Variants in TRMT11 observed in about 807,000 individuals in gnomAD.
The protein encoded by TRMT11 is tRNA methyltransferase 11.
TRMT11 carries 53 observed loss-of-function variants against 62.8 expected under a neutral mutation model. The ratio of observed to expected loss-of-function variants is 0.84; its 90% CI spans 0.68 to 1.06. The LOEUF (loss-of-function observed/expected upper bound fraction) is 1.06. Among genes scored for constraint, TRMT11 ranks in the 50% least tolerant of loss-of-function variants. TRMT11 has a pLI of 0.00. For synonymous variants in TRMT11, 188 were observed against 190.3 expected, an observed-to-expected ratio of 0.99 and a Z score of 0.10; for missense variants, 556 against 553.4, an observed-to-expected ratio of 1.00 and a Z score of -0.05.
chr6:126,243,242 C>G, the TRMT11 span, among the ~76,000 whole-genome samples: 3 of 152,216 alleles, frequency 2.0e-5, no homozygotes, highest in Non-Finnish European at 4.4e-5. Flanking sequence ...GGGATACCAT[C>G]TCACACCAGT....
chr6:126,200,835 G>C (rs943714942), intron 3 of TRMT11, among the ~76,000 whole-genome samples: 1 of 152,188 alleles, frequency 6.6e-6, no homozygotes, highest in African/African-American at 2.4e-5. Flanking sequence ...TTACAGGCGT[G>C]ACCCACCGCG....
intron 17 of TRMT11, among the ~76,000 whole-genome samples, chr6:126,057,741 G>A (rs571491939): frequency 2.8e-4 from 43 of 152,306 alleles, no homozygotes; most frequent in Middle Eastern, 3.4e-3. Flanking sequence ...CCTTCAGTCC[G>A]TCAAACACGG....
chr6:126,139,800 T>A (rs1445143334), intron 21 of TRMT11, among the ~76,000 whole-genome samples: 2 of 152,160 alleles, frequency 1.3e-5, no homozygotes, highest in African/African-American at 4.8e-5. Flanking sequence ...CTAAACTTTC[T>A]AATGTGAACT....
Position 126,113,108 on chromosome 6 carries a change from A to G in TRMT11, c.*1526+154A>G, listed in dbSNP as rs551168400. Among the ~76,000 whole-genome samples, 17 of 152,166 alleles carry G rather than the reference A, an allele frequency of 1.1e-4. No homozygotes were observed. The South Asian group carries it at 3.5e-3, about 32-fold the overall frequency. On this transcript the variant is annotated intron_variant and NMD_transcript_variant, in intron 18 of 22. Coordinates refer to the TRMT11 transcript ENST00000648977. The stretch of plus-strand genomic sequence containing the variant: ...ATTTGGGAACCTAGGCATTAAGCAA[A>G]CAACCATGATACAATGTGCTAAGTG...
chr6:126,191,685 C>A (rs1206685118), intron 1 of TRMT11, among the ~76,000 whole-genome samples: 3 of 151,816 alleles, frequency 2.0e-5, no homozygotes, highest in African/African-American at 7.2e-5. Context: ...TTCCCAGAAC[C>A]ATTTATTAAA....
At chr6:126,101,926 C>A (rs1777406558) in intron 17 of TRMT11, among the ~76,000 whole-genome samples, 1 of 152,322 alleles carries the variant, frequency 6.6e-6, no homozygotes, top group African/African-American at 2.4e-5. Flanking sequence ...CCAGTAAACT[C>A]CTGGGACTTA....
At chr6:126,235,961 T>C in the TRMT11 span, among the ~76,000 whole-genome samples, 17 of 152,244 alleles carry the variant, frequency 1.1e-4, no homozygotes, top group Non-Finnish European at 1.9e-4. Context: ...CATGTGAATA[T>C]GTTGGTACCT....
chr6:125,989,997 G>A (rs1400067098), intron 1 of TRMT11, among the ~76,000 whole-genome samples: 1 of 152,042 alleles, frequency 6.6e-6, no homozygotes, highest in Non-Finnish European at 1.5e-5. Flanking sequence ...ATTTCTTTTA[G>A]CTTTATATGT....
intron 17 of TRMT11, among the ~76,000 whole-genome samples, chr6:126,059,631 C>A (rs1370561652): frequency 6.6e-6 from 1 of 152,070 alleles, no homozygotes; most frequent in African/African-American, 2.4e-5. Flanking sequence ...ATTATTATAT[C>A]AATTTTGTAG....
intron 21 of TRMT11, among the ~76,000 whole-genome samples, chr6:126,116,187 C>T (rs903390822): frequency 6.6e-6 from 1 of 151,942 alleles, no homozygotes; most frequent in Non-Finnish European, 1.5e-5. Flanking sequence ...AGGCAAATAA[C>T]AAGAAGGCTC....
intron 21 of TRMT11, among the ~76,000 whole-genome samples, chr6:126,125,307 G>C (rs1449261059): frequency 6.6e-6 from 1 of 151,930 alleles, no homozygotes; most frequent in Non-Finnish European, 1.5e-5. Flanking sequence ...GTAAACATGT[G>C]CTTTTACATT....
intron 17 of TRMT11, among the ~76,000 whole-genome samples, chr6:126,094,661 A>T (rs1248772672): frequency 6.6e-6 from 1 of 152,182 alleles, no homozygotes; most frequent in African/African-American, 2.4e-5. Context: ...GCCTGGCCTG[A>T]GTTTGAATGT....
At chr6:126,055,563 TAAA>T (rs1776348637) in intron 17 of TRMT11, among the ~76,000 whole-genome samples, 1 of 152,178 alleles carries the variant, frequency 6.6e-6, no homozygotes, top group African/African-American at 2.4e-5. Flanking sequence ...AAATAAAAAA[TAAA>T]AAACAAGACT....
chr6:126,132,037 A>G (rs1395569449), intron 21 of TRMT11, among the ~76,000 whole-genome samples: 1 of 152,050 alleles, frequency 6.6e-6, no homozygotes, highest in Non-Finnish European at 1.5e-5. Context: ...TACCCATTCT[A>G]CCTTCAATAG....
chr6:126,170,262 T>C (rs1778315614), intron 21 of TRMT11, among the ~76,000 whole-genome samples: 1 of 152,186 alleles, frequency 6.6e-6, no homozygotes, highest in Non-Finnish European at 1.5e-5. Flanking sequence ...CATTCATACC[T>C]CCTGCTTCAA....
chr6:126,204,334 C>T (rs1778769818), downstream of TRMT11, among the ~76,000 whole-genome samples: 1 of 152,160 alleles, frequency 6.6e-6, no homozygotes, highest in South Asian at 2.1e-4. Context: ...GCAAGGCCCC[C>T]ATCTGTGAGC....
chr6:125,990,375 C>T (rs540994622), intron 1 of TRMT11, among the ~76,000 whole-genome samples: 2 of 152,334 alleles, frequency 1.3e-5, no homozygotes, highest in African/African-American at 4.8e-5. Flanking sequence ...CAGGTACTCA[C>T]AGAGTGTAGC....
chr6:126,182,648 C>A (rs1040283304), intron 1 of TRMT11, among the ~76,000 whole-genome samples: 1 of 152,048 alleles, frequency 6.6e-6, no homozygotes, highest in Non-Finnish European at 1.5e-5. Context: ...ACACCTTGTA[C>A]AATACTATAC....
At chr6:126,172,146 T>C (rs1219579610) in intron 21 of TRMT11, among the ~76,000 whole-genome samples, 1 of 152,210 alleles carries the variant, frequency 6.6e-6, no homozygotes, top group East Asian at 1.9e-4. Context: ...GTATTTTCCC[T>C]AAGTGGTTTT....
Sources: gnomAD v4.1 joint callset for allele counts (sites outside exome capture counted in the v4.1 genomes callset) on GRCh38, gnomAD v4.1.1 for gene constraint, MANE v1.5 for transcripts, NCBI Gene and HGNC (gene_info 2026-07-23, HGNC 2026-07-21) for gene names.